COMMD10: variants seen among roughly 807,000 people sequenced by gnomAD.
The protein encoded by COMMD10 is COMM domain-containing protein 10.
A neutral mutation model predicts 28.9 loss-of-function variants in COMMD10; 33 were observed. That is an observed-to-expected ratio of 1.14 (90% CI 0.87 to 1.53). COMMD10 has a LOEUF of 1.53. COMMD10 is among the 40% of genes most tolerant of loss of function. The pLI, the probability that COMMD10 is intolerant of heterozygous loss-of-function variation, is 0.00. For missense variants in COMMD10, 310 were observed against 233.4 expected, an observed-to-expected ratio of 1.33 and a Z score of -2.14; for synonymous variants, 110 against 81.7, an observed-to-expected ratio of 1.35 and a Z score of -1.87.
intron 5 of COMMD10, among the ~76,000 whole-genome samples, chr5:116,184,896 C>T (rs1393493592): frequency 1.3e-5 from 2 of 151,936 alleles, no homozygotes; most frequent in Admixed American, 1.3e-4. Flanking sequence ...GAATCCTGAC[C>T]CCTTCACTTA....
rs1055465569 is a variant in COMMD10 at position 116,291,507 on chromosome 5, T to G, written c.511-10T>G. 1 of 1,589,876 alleles carries G rather than the reference T, an allele frequency of 6.3e-7. No individual in the cohort carries two copies. The highest frequency in any genetic ancestry group is 8.6e-7 in the Non-Finnish European group (1 of 1,164,174). ...AACTACATTCTTTTTGTTGTTTTTC[T>G]TCCTTACAGAGCCTGGAGAAAGTTC... On this transcript the variant is annotated splice_polypyrimidine_tract_variant and intron_variant, in intron 5 of 6. Coordinates refer to ENST00000274458, the MANE Select transcript of COMMD10 (RefSeq NM_016144.4).
intron 2 of COMMD10, among the ~76,000 whole-genome samples, chr5:116,088,840 A>G (rs1180358723): frequency 6.6e-6 from 1 of 152,148 alleles, no homozygotes; most frequent in Non-Finnish European, 1.5e-5. Flanking sequence ...TTGTTTCATG[A>G]TTAGCAGGCA....
chr5:116,196,200 TCAAC>T (rs1748515865), intron 5 of COMMD10, among the ~76,000 whole-genome samples: 1 of 152,130 alleles, frequency 6.6e-6, no homozygotes, highest in African/African-American at 2.4e-5. Context: ...TAAATGCCCA[TCAAC>T]CAACGAGTGG....
chr5:116,281,985 T>A (rs1751081045), intron 5 of COMMD10, among the ~76,000 whole-genome samples: 1 of 151,858 alleles, frequency 6.6e-6, no homozygotes. Flanking sequence ...GTTTTAAATA[T>A]CATCAATATA....
intron 5 of COMMD10, among the ~76,000 whole-genome samples, chr5:116,196,468 A>G (rs545239075): frequency 6.6e-6 from 1 of 151,802 alleles, no homozygotes; most frequent in East Asian, 1.9e-4. Flanking sequence ...GTAACCGAAT[A>G]CCACCTGTAC....
intron 4 of COMMD10, among the ~76,000 whole-genome samples, chr5:116,093,969 A>G (rs1320855797): frequency 7.2e-5 from 11 of 152,180 alleles, no homozygotes; most frequent in Admixed American, 6.5e-4. Context: ...AAACTGGATA[A>G]CTATGCAGAA....
intron 5 of COMMD10, among the ~76,000 whole-genome samples, chr5:116,215,332 C>T (rs186222182): frequency 2.2e-4 from 34 of 151,962 alleles, no homozygotes; most frequent in Non-Finnish European, 4.6e-4. Context: ...AGTATTATAG[C>T]TAGTATTGAT....
intron 5 of COMMD10, among the ~76,000 whole-genome samples, chr5:116,266,152 A>G (rs532042359): frequency 1.3e-4 from 19 of 151,870 alleles, no homozygotes; most frequent in Admixed American, 3.9e-4. Context: ...TAAGGGGGCA[A>G]TGAGAACAAA....
chr5:116,182,852 C>T (rs1227826546), intron 5 of COMMD10, among the ~76,000 whole-genome samples: 1 of 152,056 alleles, frequency 6.6e-6, no homozygotes, highest in African/African-American at 2.4e-5. Context: ...GTAATTGGAT[C>T]ATGGGGGCAG....
In COMMD10 at chr5:116,252,327, G is replaced by T. The variant is rs1277283072; in HGVS notation, c.511-39190G>T. On this transcript the variant is annotated intron_variant, in intron 5 of 6. Coordinates refer to ENST00000274458, the MANE Select transcript of COMMD10 (RefSeq NM_016144.4). ...AATTAGATCCCATTTGTCAATTTTG[G>T]CTTTTGTTGCCATTGCTTTTGGTGT... is the stretch of plus-strand genomic sequence containing the variant. Among the ~76,000 whole-genome samples, 185 of 142,340 alleles carry T rather than the reference G, an allele frequency of 1.3e-3. 10 individuals carry two copies. The highest frequency in any genetic ancestry group is 3.6e-3 in the East Asian group (18 of 5,020). 93.4% of individuals were successfully genotyped at this position (142,340 alleles called of 152,430 possible). A position where few individuals can be genotyped will look rare whatever the true frequency, so the allele number is the denominator to read the frequency against.
At chr5:116,280,100 C>T (rs1751033227) in intron 5 of COMMD10, among the ~76,000 whole-genome samples, 2 of 151,808 alleles carry the variant, frequency 1.3e-5, no homozygotes, top group South Asian at 2.1e-4. Flanking sequence ...CCGTTATGGG[C>T]GCCATTTTCC....
intron 5 of COMMD10, among the ~76,000 whole-genome samples, chr5:116,245,407 C>T (rs541216099): frequency 2.0e-5 from 3 of 152,130 alleles, no homozygotes; most frequent in Non-Finnish European, 2.9e-5. Context: ...CTGAATTCTC[C>T]CAGATGTATG....
At chr5:116,167,067 T>C (rs1753144958) in intron 5 of COMMD10, among the ~76,000 whole-genome samples, 2 of 151,994 alleles carry the variant, frequency 1.3e-5, no homozygotes, top group South Asian at 2.1e-4. Flanking sequence ...TAAAGGAGCA[T>C]GTTCTAATCC....
intron 5 of COMMD10, among the ~76,000 whole-genome samples, chr5:116,269,808 T>A (rs1400585148): frequency 6.6e-6 from 1 of 151,842 alleles, no homozygotes; most frequent in Admixed American, 6.6e-5. Context: ...CCCTTCCTAG[T>A]CTGACTTGCC....
intron 5 of COMMD10, among the ~76,000 whole-genome samples, chr5:116,183,900 TTA>T: frequency 6.6e-6 from 1 of 152,086 alleles, no homozygotes; most frequent in Non-Finnish European, 1.5e-5. Context: ...GTTTTTGAGA[TTA>T]TATGTTTCCA....
At chr5:116,172,704 A>G (rs1354550828) in intron 5 of COMMD10, among the ~76,000 whole-genome samples, 2 of 152,156 alleles carry the variant, frequency 1.3e-5, no homozygotes, top group Non-Finnish European at 2.9e-5. Flanking sequence ...GAACCAGGCT[A>G]AGAGGCATGG....
At chr5:116,137,158 G>T (rs1219288081) in intron 5 of COMMD10, among the ~76,000 whole-genome samples, 1 of 151,586 alleles carries the variant, frequency 6.6e-6, no homozygotes, top group African/African-American at 2.4e-5. Context: ...TTTATGATTT[G>T]GTATTCTATT....
At chr5:116,167,465 A>C (rs889558385) in intron 5 of COMMD10, among the ~76,000 whole-genome samples, 5 of 152,138 alleles carry the variant, frequency 3.3e-5, no homozygotes, top group Non-Finnish European at 5.9e-5. Flanking sequence ...GCAAGACAGG[A>C]CAACATTCAA....
At chr5:116,161,486 C>G (rs1752914454) in intron 5 of COMMD10, among the ~76,000 whole-genome samples, 1 of 151,982 alleles carries the variant, frequency 6.6e-6, no homozygotes, top group African/African-American at 2.4e-5. Flanking sequence ...AGTGACAAAT[C>G]AGCATATGAC....
Sources: allele counts gnomAD v4.1 joint callset (sites outside exome capture counted in the v4.1 genomes callset), GRCh38; gene constraint gnomAD v4.1.1; transcripts MANE v1.5; gene names NCBI Gene and HGNC (gene_info 2026-07-23, HGNC 2026-07-21).